SOX10: variants seen among roughly 807,000 people sequenced by gnomAD.
The protein encoded by SOX10 is transcription factor SOX-10.
A neutral mutation model predicts 35.0 loss-of-function variants in SOX10; 3 were observed. That is an observed-to-expected ratio of 0.09 (90% CI 0.04 to 0.22). The LOEUF is 0.22. SOX10 is among the 10% of genes least tolerant of loss of function. The probability of loss-of-function intolerance (pLI) is 1.00; values close to 1 mark genes in which losing one functional copy is unlikely to be tolerated. For missense variants in SOX10, 436 were observed against 655.1 expected (o/e 0.67, Z 3.65); for synonymous variants, 285 against 291.0 (o/e 0.98, Z 0.21).
In SOX10 at chr22:37,973,450, C is replaced by G; in HGVS notation, c.*45G>C. The G allele has an allele frequency of 1.5e-6, 2 of 1,307,948 alleles. No homozygotes were observed. Among genetic ancestry groups the G allele is most frequent in the Non-Finnish European group, 2.1e-6 (2 of 945,432 alleles). 81.0% of individuals were successfully genotyped at this position (1,307,948 alleles called of 1,614,324 possible). On this transcript the variant is annotated 3_prime_UTR_variant, in exon 4 of 4. Coordinates refer to ENST00000396884, the MANE Select transcript of SOX10 (RefSeq NM_006941.4). Reference sequence around the variant, plus strand: ...GTGGGCAAGGAACAGGGCACACAGGCTGGGGGCAGGGGCTGGGCGGGGGGT... The same window carrying G: ...GTGGGCAAGGAACAGGGCACACAGGGTGGGGGCAGGGGCTGGGCGGGGGGT...
At chr22:37,977,763 C>T in intron 3 of SOX10, 104 bp downstream of exon 3, 1 of 1,300,122 alleles carries the variant, frequency 7.7e-7, no homozygotes, top group South Asian at 1.4e-5. Context: ...AACTGCACAG[C>T]CTGGCACGCT....
intron 2 of SOX10, among the ~76,000 whole-genome samples, chr22:37,979,142 G>C (rs746633944): frequency 2.0e-5 from 3 of 151,128 alleles, no homozygotes; most frequent in Non-Finnish European, 4.4e-5. Flanking sequence ...CTGTCGCCCA[G>C]GCTGGAGTGC....
Position 37,973,690 on chromosome 22 carries a change from G to A in SOX10, c.1206C>T (p.Tyr402=). 1 of 1,610,172 alleles carries A rather than the reference G, an allele frequency of 6.2e-7. No individual in the cohort carries two copies. Among genetic ancestry groups the A allele is most frequent in the Non-Finnish European group, 8.5e-7 (1 of 1,177,146 alleles). Residue 402 remains tyrosine (Y), a synonymous_variant, in exon 4 of 4, where the codon TAC becomes TAT. Coordinates refer to ENST00000396884, the MANE Select transcript of SOX10 (RefSeq NM_006941.4). ...AGGGTCCTGAGGGCTGATGGTCAGA[G>A]TAGTCAAACTGGGGGCGGGAGATGG... ...FPSISRPQFD[Y]SDHQPSGPYY...
At chr22:37,982,042 G>C (rs75592793) in intron 2 of SOX10, among the ~76,000 whole-genome samples, 3,777 of 152,312 alleles carry the variant, frequency 0.025, 156 homozygotes, top group African/African-American at 0.086. Flanking sequence ...TGGCTGGCAA[G>C]GGGGAGGGCA....
intron 2 of SOX10, among the ~76,000 whole-genome samples, chr22:37,981,396 GGTC>G (rs1486803802): frequency 6.6e-6 from 1 of 152,200 alleles, no homozygotes; most frequent in East Asian, 1.9e-4. Flanking sequence ...ATTGGGATTG[GGTC>G]CTCAGCAAGT....
rs1432016262 is a variant in SOX10, at chr22:37,983,088, G to A, written c.428+269C>T. Among the ~76,000 whole-genome samples the A allele has an allele frequency of 6.6e-6, 1 of 152,168 alleles. No homozygotes were observed. Among genetic ancestry groups the A allele is most frequent in the Admixed American group, 6.5e-5 (1 of 15,288 alleles). ...CTCCCTCCAAAGCCCCAGGCCCCACGGTCTGCCACCCGCAAAATTCCAACC... is the reference window on the plus strand; with the variant it reads ...CTCCCTCCAAAGCCCCAGGCCCCACAGTCTGCCACCCGCAAAATTCCAACC... On this transcript the variant is annotated intron_variant, in intron 2 of 3. Transcript: ENST00000396884. This position sits in a 1 kb window ranked among gnomAD's most constrained non-coding sequence, Gnocchi z 9.5.
In SOX10 at chr22:37,983,561, G is replaced by T; in HGVS notation, c.224C>A (p.Ala75Asp). ...GTAGCCGCTGAGCACCTGGCTGACG[G>T]CCTCGCGGATGCACACGGGGAACTT... ...DDKFPVCIRE[A>D]VSQVLSGYDW... The change falls in exon 2 of 4, where the codon GCC becomes GAC. Residue 75 changes from alanine (A) to aspartate (D), a missense_variant. Physicochemically the swap from Ala to Asp is moderately radical, Grantham distance 126 (BLOSUM62 -2). Around this residue, in one of 3 missense-constraint regions of SOX10, gnomAD observed 54 missense variants for 156.7 expected, o/e 0.34. Transcript: ENST00000396884. This position sits in a 1 kb window ranked among gnomAD's most constrained non-coding sequence, Gnocchi z 9.5. 6.2e-7 allele frequency: 1 copy of T among 1,610,354 alleles called. No individual in the cohort carries two copies.
At position 37,978,221 on chromosome 22, in the gene SOX10, C is replaced by T; in HGVS notation, c.429-86G>A. On this transcript the variant is annotated intron_variant, in intron 2 of 3. Transcript: ENST00000396884. This position sits in a 1 kb window ranked among gnomAD's most constrained non-coding sequence, Gnocchi z 5.0. Reference sequence around the variant, plus strand: ...CCAGGTTGGCCTCCCTCTGAGTGTCCATCTTGGAAGATGTGAGGCCCTGGG... The same window carrying T: ...CCAGGTTGGCCTCCCTCTGAGTGTCTATCTTGGAAGATGTGAGGCCCTGGG... The T allele has an allele frequency of 7.2e-7, 1 of 1,388,352 alleles. No individual in the cohort carries two copies. Among genetic ancestry groups the T allele is most frequent in the Admixed American group, 2.7e-5 (1 of 36,688 alleles). 86.0% of individuals were successfully genotyped at this position (1,388,352 alleles called of 1,614,324 possible).
At chr22:37,977,005 TA>T (rs973563932) in intron 3 of SOX10, among the ~76,000 whole-genome samples, 2 of 151,660 alleles carry the variant, frequency 1.3e-5, no homozygotes, top group Admixed American at 6.6e-5. Context: ...CTGTCTCTGC[TA>T]AAATACACAA....
chr22:37,979,074 G>C (rs1932313037), intron 2 of SOX10, among the ~76,000 whole-genome samples: 1 of 151,572 alleles, frequency 6.6e-6, no homozygotes, highest in African/African-American at 2.4e-5. Flanking sequence ...ATTGTGCCCA[G>C]CCCAAGAGGT....
rs375144235 is a variant in SOX10 at position 37,973,658 on chromosome 22, C to T, written c.1238G>A (p.Gly413Asp). Reference sequence around the variant, plus strand: ...GAGGCCAGAGGCCTGGCCCGAGTGGCCATAATAGGGTCCTGAGGGCTGATG... The same window carrying T: ...GAGGCCAGAGGCCTGGCCCGAGTGGTCATAATAGGGTCCTGAGGGCTGATG... Reference protein sequence around the residue: ...SDHQPSGPYYGHSGQASGLYS... With the variant: ...SDHQPSGPYYDHSGQASGLYS... The change falls in exon 4 of 4, where the codon GGC (glycine) becomes GAC (aspartate). Residue 413 changes from glycine to aspartate, a missense_variant. Gly to Asp is a moderately conservative substitution (Grantham distance 94). This residue lies in a region of SOX10 where 285 missense variants were observed against 402.9 expected (regional missense o/e 0.71). Transcript: ENST00000396884. 2 of 1,613,584 alleles carry T rather than the reference C, an allele frequency of 1.2e-6. No individual in the cohort carries two copies. The highest frequency in any genetic ancestry group is 8.5e-7 in the Non-Finnish European group (1 of 1,179,882).
rs1199752812 is a variant in SOX10 at position 37,984,046 on chromosome 22, C to T, written c.-84-178G>A. Among the ~76,000 whole-genome samples, 1 of 152,150 alleles carries T rather than the reference C, an allele frequency of 6.6e-6. No individual in the cohort carries two copies. The highest frequency in any genetic ancestry group is 1.5e-5 in the Non-Finnish European group (1 of 68,000). On this transcript the variant is annotated intron_variant, in intron 1 of 3. Coordinates refer to ENST00000396884, the MANE Select transcript of SOX10 (RefSeq NM_006941.4). This position sits in a 1 kb window ranked among gnomAD's most constrained non-coding sequence, Gnocchi z 4.4. ...TGGGTGCGTCCCGCCTCTGTGTCTTCCCACCACCTGGTCCCAACCGTCTCT... is the reference window on the plus strand; with the variant it reads ...TGGGTGCGTCCCGCCTCTGTGTCTTTCCACCACCTGGTCCCAACCGTCTCT...
At chr22:37,982,082 G>A (rs528227147) in intron 2 of SOX10, among the ~76,000 whole-genome samples, 12 of 152,280 alleles carry the variant, frequency 7.9e-5, no homozygotes, top group Admixed American at 5.2e-4. Flanking sequence ...CTCTGACAAA[G>A]CCCTAATTTT....
rs754817070 is a variant in SOX10 at position 37,978,001 on chromosome 22, G to A, written c.563C>T (p.Ala188Val). 1.4e-5 allele frequency: 22 copies of A among 1,611,478 alleles called. No individual in the cohort carries two copies. Among genetic ancestry groups the A allele is most frequent in the African/African-American group, 5.3e-5 (4 of 74,936 alleles). Residue 188 changes from alanine (A) to valine (V), a missense_variant, in exon 3 of 4, where the codon GCG (alanine) becomes GTG (valine). Ala to Val is a moderately conservative substitution (Grantham distance 64, BLOSUM62 0). Coordinates refer to ENST00000396884, the MANE Select transcript of SOX10 (RefSeq NM_006941.4). The surrounding 1 kb of genome is among the most constrained non-coding windows in gnomAD (Gnocchi z 5.0). ...RKNGKAAQGE[A>V]ECPGGEAEQG... ...CTCGGCCTCCCCACCGGGGCACTCC[G>A]CCTCGCCCTGGGCGGCCTTCCCGTT...
Position 37,984,076 on chromosome 22 carries a change from G to A in SOX10, c.-84-208C>T, listed in dbSNP as rs1932495810. The A allele has an allele frequency of 4.0e-6, 1 of 251,924 alleles. No homozygotes were observed. Among genetic ancestry groups the A allele is most frequent in the Non-Finnish European group, 7.6e-6 (1 of 132,430 alleles). The allele number at this position is 251,924 out of a possible 1,614,324, so 15.6% of individuals were successfully genotyped here. A position where few individuals can be genotyped will look rare whatever the true frequency, so the allele number is the denominator to read the frequency against. On this transcript the variant is annotated intron_variant, in intron 1 of 3. Coordinates refer to ENST00000396884, the MANE Select transcript of SOX10 (RefSeq NM_006941.4). The surrounding 1 kb of genome is among the most constrained non-coding windows in gnomAD (Gnocchi z 4.4). ...CACCTGGTCCCAACCGTCTCTTGGTGTGGGTGGCTTTTTTTTTAGCCTCCT... is the reference window on the plus strand; with the variant it reads ...CACCTGGTCCCAACCGTCTCTTGGTATGGGTGGCTTTTTTTTTAGCCTCCT...
Position 37,981,000 on chromosome 22 carries a change from A to G in SOX10, c.428+2357T>C, listed in dbSNP as rs550117879. On this transcript the variant is annotated intron_variant, in intron 2 of 3. Coordinates refer to ENST00000396884, the MANE Select transcript of SOX10 (RefSeq NM_006941.4). The surrounding 1 kb of genome is among the most constrained non-coding windows in gnomAD (Gnocchi z 4.1). ...TTTCCAGGCAGATCAGCCAACCCAC[A>G]GGCACCACCCTGTGATCAGCCTCAA... Among the ~76,000 whole-genome samples the G allele has an allele frequency of 6.6e-6, 1 of 152,248 alleles. No individual in the cohort carries two copies. The highest frequency in any genetic ancestry group is 2.1e-4 in the South Asian group (1 of 4,820).
chr22:37,983,027 G>GAT lies in SOX10; in HGVS notation c.428+329_428+330insAT. On this transcript the variant is annotated intron_variant, in intron 2 of 3. Coordinates refer to ENST00000396884, the MANE Select transcript of SOX10 (RefSeq NM_006941.4). The surrounding 1 kb of genome is among the most constrained non-coding windows in gnomAD (Gnocchi z 9.5). ...CACAGCAGCTGGTGGCATAGTGTGC[G>GAT]TATCTGTGGGCAGGAGTTAGTGAAG... 6.6e-6 allele frequency among the ~76,000 whole-genome samples: 1 copy of GAT among 152,216 alleles called. No individual in the cohort carries two copies. Among genetic ancestry groups the GAT allele is most frequent in the East Asian group, 1.9e-4 (1 of 5,198 alleles).
rs997481646 is a variant in SOX10 at position 37,972,823 on chromosome 22, G to A, written c.*672C>T. ...GAGGTTGTAGTGGAGGAGGACTGGG[G>A]GCTGTTTCTCAGACAAAGAATGAGG... On this transcript the variant is annotated 3_prime_UTR_variant, in exon 4 of 4. Transcript: ENST00000396884. 6.5e-6 allele frequency: 1 copy of A among 153,866 alleles called. No individual in the cohort carries two copies. The highest frequency in any genetic ancestry group is 2.4e-5 in the African/African-American group (1 of 41,416). 9.5% of individuals were successfully genotyped at this position (153,866 alleles called of 1,614,324 possible).
At position 37,978,958 on chromosome 22, in the gene SOX10, G is replaced by C. The variant is rs1337951557; in HGVS notation, c.429-823C>G. On this transcript the variant is annotated intron_variant, in intron 2 of 3. Transcript: ENST00000396884. This position sits in a 1 kb window ranked among gnomAD's most constrained non-coding sequence, Gnocchi z 5.0. ...CGCCCGGTTAATTTTTGTATTTTTAGTAGAGATGGGGTTTCACCATGTTGA... is the reference window on the plus strand; with the variant it reads ...CGCCCGGTTAATTTTTGTATTTTTACTAGAGATGGGGTTTCACCATGTTGA... 6.6e-6 allele frequency among the ~76,000 whole-genome samples: 1 copy of C among 152,110 alleles called. No homozygotes were observed. The highest frequency in any genetic ancestry group is 1.5e-5 in the Non-Finnish European group (1 of 68,026).
Sources: gnomAD v4.1 joint callset for allele counts (sites outside exome capture counted in the v4.1 genomes callset) on GRCh38, gnomAD v4.1.1 for gene constraint, gnomAD v4.1.1 regional missense constraint, Gnocchi (gnomAD v3.1) non-coding constraint, MANE v1.5 for transcripts, NCBI Gene and HGNC (gene_info 2026-07-23, HGNC 2026-07-21) for gene names.